Variants in NDUFAF2 observed in about 807,000 individuals in gnomAD.
NDUFAF2 encodes NADH:ubiquinone oxidoreductase complex assembly factor 2.
NDUFAF2 carries 13 observed loss-of-function variants against 22.8 expected under a neutral mutation model. The ratio of observed to expected loss-of-function variants is 0.57; its 90% CI spans 0.37 to 0.91. The LOEUF (loss-of-function observed/expected upper bound fraction) is 0.91, where lower values mean the gene tolerates loss of function less well. Ranked by LOEUF, NDUFAF2 falls within the 40% of genes least tolerant of loss-of-function variation. The probability of loss-of-function intolerance (pLI) is 0.01; values close to 1 mark genes in which losing one functional copy is unlikely to be tolerated. For synonymous variants in NDUFAF2, 53 were observed against 64.2 expected (o/e 0.83, Z 0.84); for missense variants, 162 against 195.2 (o/e 0.83, Z 1.01).
At chr5:60,993,229 T>C (rs1751184195) in intron 1 of NDUFAF2, among the ~76,000 whole-genome samples, 1 of 152,226 alleles carries the variant, frequency 6.6e-6, no homozygotes, top group Non-Finnish European at 1.5e-5. Context: ...GCAGCTTCCA[T>C]AGCTGTCACT....
intron 1 of NDUFAF2, among the ~76,000 whole-genome samples, chr5:61,038,552 T>C (rs1274987885): frequency 1.3e-5 from 2 of 152,168 alleles, no homozygotes; most frequent in Non-Finnish European, 2.9e-5. Flanking sequence ...ATCTTGTTTA[T>C]TTGAGGTATT....
intron 1 of NDUFAF2, among the ~76,000 whole-genome samples, chr5:61,069,216 T>C (rs1402575165): frequency 6.6e-6 from 1 of 151,924 alleles, no homozygotes; most frequent in Non-Finnish European, 1.5e-5. Context: ...AACTACAGGA[T>C]TTTTTGAAAT....
intron 1 of NDUFAF2, among the ~76,000 whole-genome samples, chr5:61,041,856 C>T (rs895652003): frequency 3.3e-5 from 5 of 152,126 alleles, no homozygotes; most frequent in South Asian, 2.1e-4. Flanking sequence ...ATTTTCTCTC[C>T]GCTTTCCAAC....
chr5:61,048,134 T>C (rs1020932010), intron 1 of NDUFAF2, among the ~76,000 whole-genome samples: 1 of 152,180 alleles, frequency 6.6e-6, no homozygotes, highest in Admixed American at 6.6e-5. Flanking sequence ...CTAATACTTT[T>C]TTTAAGTTCT....
chr5:61,050,197 A>G (rs1752007341), intron 1 of NDUFAF2, among the ~76,000 whole-genome samples: 1 of 152,212 alleles, frequency 6.6e-6, no homozygotes, highest in South Asian at 2.1e-4. Context: ...CCAACAGTGC[A>G]CAAGGGTTCC....
chr5:61,013,439 T>C (rs1011270843), intron 1 of NDUFAF2, among the ~76,000 whole-genome samples: 21 of 152,298 alleles, frequency 1.4e-4, no homozygotes, highest in African/African-American at 4.8e-4. Flanking sequence ...ATTTTTTCTG[T>C]GTTATATTGA....
At chr5:61,026,540 T>C (rs1012534766) in intron 1 of NDUFAF2, among the ~76,000 whole-genome samples, 6 of 152,216 alleles carry the variant, frequency 3.9e-5, no homozygotes, top group African/African-American at 1.2e-4. Flanking sequence ...GGTTGTATAG[T>C]ACAGGTTTTC....
intron 3 of NDUFAF2, among the ~76,000 whole-genome samples, chr5:61,104,009 G>A (rs1752731996): frequency 6.6e-6 from 1 of 152,122 alleles, no homozygotes; most frequent in South Asian, 2.1e-4. Context: ...GTAAGCTAAT[G>A]TAAGCGTTCT....
chr5:60,950,482 G>A (rs1750529618), intron 1 of NDUFAF2, among the ~76,000 whole-genome samples: 3 of 152,066 alleles, frequency 2.0e-5, no homozygotes, highest in South Asian at 2.1e-4. Context: ...ACCACGCCTG[G>A]CCACTACTCT....
chr5:61,002,564 G>T (rs1407075749), intron 1 of NDUFAF2, among the ~76,000 whole-genome samples: 3 of 152,106 alleles, frequency 2.0e-5, no homozygotes, highest in African/African-American at 7.2e-5. Context: ...ATACTTATCC[G>T]ATTCACTTCA....
At chr5:61,084,695 G>A (rs1752485503) in intron 2 of NDUFAF2, among the ~76,000 whole-genome samples, 1 of 152,098 alleles carries the variant, frequency 6.6e-6, no homozygotes, top group Non-Finnish European at 1.5e-5. Flanking sequence ...ATTGTATATA[G>A]ATACCACATG....
At chr5:61,086,343 A>G (rs1752505390) in intron 2 of NDUFAF2, among the ~76,000 whole-genome samples, 1 of 152,178 alleles carries the variant, frequency 6.6e-6, no homozygotes, top group Admixed American at 6.6e-5. Flanking sequence ...TAAAATACAG[A>G]GAACCTAGAA....
At chr5:60,964,741 C>T (rs561141994) in intron 1 of NDUFAF2, among the ~76,000 whole-genome samples, 19 of 152,178 alleles carry the variant, frequency 1.2e-4, no homozygotes, top group Middle Eastern at 3.4e-3. Flanking sequence ...TGTGAACTAC[C>T]GCGCCCGGCC....
At chr5:61,029,699 C>T (rs532204475) in intron 1 of NDUFAF2, among the ~76,000 whole-genome samples, 23 of 152,164 alleles carry the variant, frequency 1.5e-4, no homozygotes, top group African/African-American at 5.5e-4. Flanking sequence ...TCAGGCAAGG[C>T]GAAAAGTTGT....
intron 3 of NDUFAF2, chr5:61,115,033 T>A (rs1462132109): frequency 1.3e-5 from 2 of 152,382 alleles, no homozygotes; most frequent in Non-Finnish European, 2.9e-5. Context: ...GATCTAGAGA[T>A]GCCAAGCAGG....
intron 3 of NDUFAF2, among the ~76,000 whole-genome samples, chr5:61,101,083 A>AC (rs1752699835): frequency 6.6e-6 from 1 of 152,172 alleles, no homozygotes; most frequent in Non-Finnish European, 1.5e-5. Context: ...TGTAACTTTT[A>AC]CACTCTTCAA....
intron 1 of NDUFAF2, among the ~76,000 whole-genome samples, chr5:61,050,770 T>C (rs1472443913): frequency 1.3e-5 from 2 of 152,126 alleles, no homozygotes; most frequent in Admixed American, 6.5e-5. Flanking sequence ...ATAAGAAATA[T>C]CTTCATTATT....
At chr5:61,128,870 G>A (rs1037764741) in intron 3 of NDUFAF2, among the ~76,000 whole-genome samples, 2 of 152,004 alleles carry the variant, frequency 1.3e-5, no homozygotes, top group Non-Finnish European at 2.9e-5. Flanking sequence ...GCAACCTACA[G>A]AATGGGAGAA....
intron 1 of NDUFAF2, among the ~76,000 whole-genome samples, chr5:60,964,369 A>G (rs1343085281): frequency 1.3e-5 from 2 of 152,108 alleles, no homozygotes; most frequent in Non-Finnish European, 2.9e-5. Flanking sequence ...AACTCAAGCT[A>G]ATTAACATAT....
Sources: gnomAD v4.1 joint callset for allele counts (sites outside exome capture counted in the v4.1 genomes callset) on GRCh38, gnomAD v4.1.1 for gene constraint, MANE v1.5 for transcripts, NCBI Gene and HGNC (gene_info 2026-07-23, HGNC 2026-07-21) for gene names.